The following PRUNE2 variants were observed in gnomAD, a reference collection of about 807,000 sequenced individuals.
PRUNE2 encodes protein prune homolog 2.
Under a neutral mutation model 252.0 loss-of-function variants are expected in PRUNE2, and 164 were observed. The observed-to-expected ratio is 0.65, with a 90% confidence interval of 0.57 to 0.74. The LOEUF is 0.74. PRUNE2 is among the 30% of genes least tolerant of loss of function. The probability of loss-of-function intolerance (pLI) is 0.00; values close to 1 mark genes in which losing one functional copy is unlikely to be tolerated. For missense variants in PRUNE2, 3,495 were observed against 3,711.0 expected (o/e 0.94, Z 1.51); for synonymous variants, 1,292 against 1,350.2 (o/e 0.96, Z 0.94).
intron 4 of PRUNE2, among the ~76,000 whole-genome samples, chr9:76,840,309 A>T (rs10781386): frequency 6.6e-6 from 1 of 151,974 alleles, no homozygotes; most frequent in African/African-American, 2.4e-5. Context: ...TTTTGAGCAC[A>T]GTGGGCTCAG....
rs553247837 is a variant in PRUNE2, at chr9:76,682,510, C to T, written c.8276+20827G>A. Reference sequence around the variant, plus strand: ...CCAAGTAGCTGGGATTACAGGTATGCGCCACCCCGCCCGACTAATTTTTTG... The same window carrying T: ...CCAAGTAGCTGGGATTACAGGTATGTGCCACCCCGCCCGACTAATTTTTTG... On this transcript the variant is annotated intron_variant, in intron 9 of 18. Coordinates refer to ENST00000376718, the MANE Select transcript of PRUNE2 (RefSeq NM_015225.3). Among the ~76,000 whole-genome samples, 11 of 151,748 alleles carry T rather than the reference C, an allele frequency of 7.2e-5. No homozygotes were observed. The South Asian group carries it at 8.3e-4, about 12-fold the overall frequency.
intron 6 of PRUNE2, among the ~76,000 whole-genome samples, chr9:76,816,691 T>C (rs2057717812): frequency 6.6e-6 from 1 of 152,218 alleles, no homozygotes; most frequent in South Asian, 2.1e-4. Flanking sequence ...TTGGAGTTAC[T>C]ATAGTGCTCA....
intron 4 of PRUNE2, among the ~76,000 whole-genome samples, chr9:76,844,695 G>T (rs1489264630): frequency 1.3e-5 from 2 of 151,976 alleles, no homozygotes; most frequent in Non-Finnish European, 2.9e-5. Context: ...TACCTCCCAG[G>T]GTTTAATGAC....
At chr9:76,813,978 G>A (rs537298648) in intron 6 of PRUNE2, among the ~76,000 whole-genome samples, 1 of 152,178 alleles carries the variant, frequency 6.6e-6, no homozygotes, top group South Asian at 2.1e-4. Flanking sequence ...CACCACACCT[G>A]GCTAATTGTA....
chr9:76,681,871 T>C (rs1588547694), intron 9 of PRUNE2, among the ~76,000 whole-genome samples: 3 of 152,344 alleles, frequency 2.0e-5, no homozygotes. Flanking sequence ...AAACTGGCAA[T>C]TAAATCTAAT....
intron 6 of PRUNE2, among the ~76,000 whole-genome samples, chr9:76,757,913 T>C (rs1055446778): frequency 1.4e-4 from 21 of 152,226 alleles, no homozygotes; most frequent in African/African-American, 4.8e-4. Context: ...AGTGCAGTTT[T>C]AAGCTTTAAT....
At chr9:76,837,252 G>C (rs2059042656) in intron 4 of PRUNE2, among the ~76,000 whole-genome samples, 1 of 151,988 alleles carries the variant, frequency 6.6e-6, no homozygotes, top group Non-Finnish European at 1.5e-5. Flanking sequence ...GACCATCCTG[G>C]CCAACATGGT....
At chr9:76,634,601 A>C (rs1402744312) in intron 15 of PRUNE2, among the ~76,000 whole-genome samples, 1 of 152,152 alleles carries the variant, frequency 6.6e-6, no homozygotes, top group African/African-American at 2.4e-5. Context: ...GTACCCAATC[A>C]AGCTATTTCT....
chr9:76,614,818 G>C (rs989713484), intron 18 of PRUNE2, among the ~76,000 whole-genome samples: 14 of 152,106 alleles, frequency 9.2e-5, no homozygotes, highest in Non-Finnish European at 1.6e-4. Flanking sequence ...CTACAAAATC[G>C]TTTCTGGAAG....
chr9:76,742,205 T>A (rs1055034721), intron 6 of PRUNE2, among the ~76,000 whole-genome samples: 1 of 152,202 alleles, frequency 6.6e-6, no homozygotes, highest in Non-Finnish European at 1.5e-5. Context: ...TTTTAAACTA[T>A]ATGTTAACAT....
intron 1 of PRUNE2, among the ~76,000 whole-genome samples, chr9:76,867,579 T>C (rs532458532): frequency 6.6e-6 from 1 of 152,286 alleles, no homozygotes; most frequent in South Asian, 2.1e-4. Flanking sequence ...GTTGTTGTTG[T>C]TGTTGTTGAG....
In PRUNE2 at chr9:76,624,442, C is replaced by T. The variant is rs7033306; in HGVS notation, c.9188+10G>A. 8.6e-4 allele frequency: 1,217 copies of T among 1,412,224 alleles called. 5 individuals are homozygous for T. Among genetic ancestry groups the T allele is most frequent in the African/African-American group, 7.9e-3 (545 of 68,590 alleles). The allele number at this position is 1,412,224 out of a possible 1,614,324, so 87.5% of individuals were successfully genotyped here. A position where few individuals can be genotyped will look rare whatever the true frequency, so the allele number is the denominator to read the frequency against. On this transcript the variant is annotated intron_variant, in intron 17 of 18. Coordinates refer to ENST00000376718, the MANE Select transcript of PRUNE2 (RefSeq NM_015225.3). ...ATCATGCCAGCCGCTAAACGAAAAC[C>T]AAGTCTTACTTAGCTGCCTCTGATG...
chr9:76,649,343 T>C (rs1012346613), intron 11 of PRUNE2, among the ~76,000 whole-genome samples: 3 of 101,734 alleles, frequency 2.9e-5, no homozygotes, highest in Non-Finnish European at 6.1e-5. Flanking sequence ...CAGATTGTTC[T>C]ATAATTTGTT....
chr9:76,682,936 A>G (rs761791965), intron 9 of PRUNE2, among the ~76,000 whole-genome samples: 72 of 152,146 alleles, frequency 4.7e-4, no homozygotes, highest in Non-Finnish European at 9.8e-4. Flanking sequence ...TCTTCCACCA[A>G]ACTGTACTTT....
intron 6 of PRUNE2, among the ~76,000 whole-genome samples, chr9:76,766,174 C>G (rs1276735663): frequency 7.2e-6 from 1 of 137,940 alleles, no homozygotes; most frequent in Non-Finnish European, 1.6e-5. Flanking sequence ...CAGAGCAAGA[C>G]TCTGCCTCAA....
intron 6 of PRUNE2, among the ~76,000 whole-genome samples, chr9:76,790,534 G>A (rs759348065): frequency 1.3e-5 from 2 of 152,092 alleles, no homozygotes; most frequent in Non-Finnish European, 2.9e-5. Context: ...CATTTGTTTT[G>A]TACCCACCAG....
At position 76,796,628 on chromosome 9, in the gene PRUNE2, C is replaced by G. The variant is rs11998881; in HGVS notation, c.756+27004G>C. 9.6e-3 allele frequency among the ~76,000 whole-genome samples: 1,459 copies of G among 152,280 alleles called. 19 individuals carry two copies. The highest frequency in any genetic ancestry group is 0.033 in the African/African-American group (1,385 of 41,548). ...TGGCATTTATGCATTTCCTAATTGT[C>G]ATAGTTAATTTTGTATGTGTCAACT... On this transcript the variant is annotated intron_variant, in intron 6 of 18. Coordinates refer to ENST00000376718, the MANE Select transcript of PRUNE2 (RefSeq NM_015225.3).
At chr9:76,854,319 G>C (rs1264255546) in intron 1 of PRUNE2, 111 bp from the exon 2 acceptor site, 1 of 486,826 alleles carries the variant, frequency 2.1e-6, no homozygotes, top group East Asian at 3.2e-5. Flanking sequence ...CACAATGGCA[G>C]AGAATCATAA....
intron 7 of PRUNE2, among the ~76,000 whole-genome samples, chr9:76,713,277 T>C (rs2046879057): frequency 6.6e-6 from 1 of 152,126 alleles, no homozygotes; most frequent in Admixed American, 6.5e-5. Flanking sequence ...CAGGGAGCAG[T>C]CCTAGAAGAA....
Sources: allele counts gnomAD v4.1 joint callset (sites outside exome capture counted in the v4.1 genomes callset), GRCh38; gene constraint gnomAD v4.1.1; transcripts MANE v1.5; gene names NCBI Gene and HGNC (gene_info 2026-07-23, HGNC 2026-07-21).